Variants in AGTPBP1 observed in about 807,000 individuals in gnomAD.
AGTPBP1 encodes cytosolic carboxypeptidase 1.
Under a neutral mutation model 143.9 loss-of-function variants are expected in AGTPBP1, and 70 were observed. That is an observed-to-expected ratio of 0.49 (90% confidence interval 0.40 to 0.59). The LOEUF is 0.59. Ranked by LOEUF, AGTPBP1 falls within the 20% of genes least tolerant of loss-of-function variation. The pLI is 0.00. For missense variants in AGTPBP1, 1,229 were observed against 1,464.5 expected, an observed-to-expected ratio of 0.84 and a Z score of 2.62; for synonymous variants, 463 against 500.2, an observed-to-expected ratio of 0.93 and a Z score of 0.99.
the AGTPBP1 span, among the ~76,000 whole-genome samples, chr9:85,753,939 G>T: frequency 6.6e-6 from 1 of 152,078 alleles, no homozygotes; most frequent in Non-Finnish European, 1.5e-5. Flanking sequence ...ACACATGCAG[G>T]TTTGTTAGAT....
intron 25 of AGTPBP1, among the ~76,000 whole-genome samples, chr9:85,573,741 C>T (rs973770581): frequency 6.6e-6 from 1 of 151,548 alleles, no homozygotes. Flanking sequence ...ATGTGGGGAG[C>T]GCCTCTGCCC....
chr9:85,741,829 G>T lies in AGTPBP1; in HGVS notation c.-88C>A, dbSNP rs576233693. 2 of 1,402,212 alleles carry T rather than the reference G, an allele frequency of 1.4e-6. No homozygotes were observed. The highest frequency in any genetic ancestry group is 2.9e-5 in the Admixed American group (1 of 34,000). 86.9% of individuals were successfully genotyped at this position (1,402,212 alleles called of 1,614,324 possible). A position where few individuals can be genotyped will look rare whatever the true frequency, so the allele number is the denominator to read the frequency against. Reference sequence around the variant, plus strand: ...GCGCAGAGCCGCAGCACCCGGCTCAGCACCTGGATCACGGCGGATCCCTCG... The same window carrying T: ...GCGCAGAGCCGCAGCACCCGGCTCATCACCTGGATCACGGCGGATCCCTCG... On this transcript the variant is annotated 5_prime_UTR_variant, in exon 1 of 26. It adds an upstream start codon to the 5' untranslated region. Transcript: ENST00000357081.
chr9:85,726,757 T>C lies in AGTPBP1; in HGVS notation c.-33-14191A>G, dbSNP rs148755936. Among the ~76,000 whole-genome samples the C allele has an allele frequency of 2.9e-3, 444 of 152,248 alleles. 6 individuals carry two copies. The highest frequency in any genetic ancestry group is 0.02 in the Admixed American group (300 of 15,296). On this transcript the variant is annotated intron_variant, in intron 1 of 25. Transcript: ENST00000357081. ...CATTTGACAAGTTAAGTGTCAAATA[T>C]ACTGGAATCTCAAAACAAACAGAAT...
intron 1 of AGTPBP1, among the ~76,000 whole-genome samples, chr9:85,737,001 G>A (rs1823836760): frequency 6.6e-6 from 1 of 152,204 alleles, no homozygotes; most frequent in Non-Finnish European, 1.5e-5. Flanking sequence ...AGCTACTCGG[G>A]AGGCTGAGGC....
intron 24 of AGTPBP1, among the ~76,000 whole-genome samples, chr9:85,576,361 C>T (rs932802408): frequency 6.6e-6 from 1 of 152,148 alleles, no homozygotes; most frequent in Non-Finnish European, 1.5e-5. Context: ...GTTCCTATGG[C>T]ACACGGTAAC....
intron 21 of AGTPBP1, among the ~76,000 whole-genome samples, chr9:85,588,020 C>T (rs1175076876): frequency 6.6e-6 from 1 of 151,986 alleles, no homozygotes; most frequent in Non-Finnish European, 1.5e-5. Context: ...TGTGATTTTT[C>T]TAAAACAATT....
chr9:85,550,194 TGA>T (rs761030919), intron 25 of AGTPBP1, among the ~76,000 whole-genome samples: 78 of 129,088 alleles, frequency 6.0e-4, no homozygotes, highest in East Asian at 3.3e-3. Context: ...TGTGTGTGTG[TGA>T]GAGAGAGAGA....
chr9:85,780,518 TA>T, the AGTPBP1 span, among the ~76,000 whole-genome samples: 6 of 151,142 alleles, frequency 4.0e-5, no homozygotes, highest in South Asian at 6.3e-4. Flanking sequence ...GTTCCTGATA[TA>T]AACTTTACAG....
intron 17 of AGTPBP1, among the ~76,000 whole-genome samples, chr9:85,606,833 T>C (rs892589936): frequency 1.3e-5 from 2 of 151,970 alleles, no homozygotes; most frequent in African/African-American, 2.4e-5. Context: ...CTCACTCATA[T>C]GTGGTAGGTA....
intron 17 of AGTPBP1, among the ~76,000 whole-genome samples, chr9:85,597,744 A>G (rs1829387970): frequency 6.6e-6 from 1 of 152,136 alleles, no homozygotes; most frequent in Non-Finnish European, 1.5e-5. Context: ...TCAACATCTA[A>G]TAATAGAATC....
At chr9:85,707,709 T>C (rs1837099877) in intron 2 of AGTPBP1, among the ~76,000 whole-genome samples, 2 of 152,202 alleles carry the variant, frequency 1.3e-5, no homozygotes, top group Admixed American at 6.5e-5. Context: ...TGTAACCAAT[T>C]ACCACTAACC....
chr9:85,773,770 A>C, the AGTPBP1 span: 1 of 835,916 alleles, frequency 1.2e-6, no homozygotes, highest in Non-Finnish European at 1.9e-6. Context: ...GAAGTAGCCT[A>C]AGAAAAGTAG....
chr9:85,645,096 CTCTGTTT>C (rs574937476), intron 12 of AGTPBP1, among the ~76,000 whole-genome samples: 6 of 152,206 alleles, frequency 3.9e-5, no homozygotes, highest in Admixed American at 3.3e-4. Flanking sequence ...CTCTCTCTTC[CTCTGTTT>C]TCTATGTACT....
rs1825761774 is a variant in AGTPBP1, at chr9:85,546,665, C to T, written c.*444G>A. On this transcript the variant is annotated 3_prime_UTR_variant, in exon 26 of 26. Transcript: ENST00000357081. The stretch of plus-strand genomic sequence containing the variant: ...ACATGATTCTGAAGAACAGTCTTAT[C>T]TGCAATATCTACCCACTTCTAAACA... 1 of 152,772 alleles carries T rather than the reference C, an allele frequency of 6.5e-6. No homozygotes were observed. The highest frequency in any genetic ancestry group is 1.5e-5 in the Non-Finnish European group (1 of 68,474). 9.5% of individuals were successfully genotyped at this position (152,772 alleles called of 1,614,324 possible). A position where few individuals can be genotyped will look rare whatever the true frequency, so the allele number is the denominator to read the frequency against.
chr9:85,779,601 C>G, the AGTPBP1 span, among the ~76,000 whole-genome samples: 2 of 152,220 alleles, frequency 1.3e-5, no homozygotes, highest in Non-Finnish European at 2.9e-5. Flanking sequence ...TTTGGCAACA[C>G]TCTCACAGAC....
chr9:85,801,296 A>G, the AGTPBP1 span, among the ~76,000 whole-genome samples: 8,767 of 152,222 alleles, frequency 0.058, 814 homozygotes, highest in African/African-American at 0.19. Flanking sequence ...TGGTTGACAG[A>G]GCAAGACTCC....
At chr9:85,708,071 A>C (rs957992374) in intron 2 of AGTPBP1, among the ~76,000 whole-genome samples, 1 of 152,208 alleles carries the variant, frequency 6.6e-6, no homozygotes, top group South Asian at 2.1e-4. Context: ...ATAAAAAATA[A>C]TAATAATTTT....
chr9:85,599,077 A>G (rs1332819388), intron 17 of AGTPBP1, among the ~76,000 whole-genome samples: 1 of 150,048 alleles, frequency 6.7e-6, no homozygotes, highest in Non-Finnish European at 1.5e-5. Flanking sequence ...TGCCTAGTTC[A>G]TCTTCGTCCA....
At chr9:85,645,330 C>CAAAGATGT (rs1832748959) in intron 12 of AGTPBP1, among the ~76,000 whole-genome samples, 1 of 152,064 alleles carries the variant, frequency 6.6e-6, no homozygotes, top group East Asian at 1.9e-4. Flanking sequence ...CTACATTTTC[C>CAAAGATGT]AAAGATGTCA....
Sources: allele counts gnomAD v4.1 joint callset (sites outside exome capture counted in the v4.1 genomes callset), GRCh38; gene constraint gnomAD v4.1.1; transcripts MANE v1.5; gene names NCBI Gene and HGNC (gene_info 2026-07-23, HGNC 2026-07-21).